The following MAD1L1 variants were observed in gnomAD, a reference collection of about 807,000 sequenced individuals.
MAD1L1 encodes the protein mitotic spindle assembly checkpoint protein MAD1.
Under a neutral mutation model 96.9 loss-of-function variants are expected in MAD1L1, and 95 were observed. The ratio of observed to expected loss-of-function variants is 0.98; its 90% CI spans 0.83 to 1.16. MAD1L1 has a LOEUF of 1.16. MAD1L1 is among the 50% of genes most tolerant of loss of function. The probability of loss-of-function intolerance (pLI) is 0.00; values close to 1 mark genes in which losing one functional copy is unlikely to be tolerated. For missense variants in MAD1L1, 1,007 were observed against 954.4 expected (o/e 1.06, Z -0.73); for synonymous variants, 473 against 396.6 (o/e 1.19, Z -2.29).
At chr7:2,118,118 C>T (rs1396637262) in intron 11 of MAD1L1, among the ~76,000 whole-genome samples, 1 of 152,210 alleles carries the variant, frequency 6.6e-6, no homozygotes, top group African/African-American at 2.4e-5. Context: ...CCACCCTGTG[C>T]ACCCGACACT....
chr7:2,032,891 C>T (rs796277470), intron 12 of MAD1L1, among the ~76,000 whole-genome samples: 4 of 152,308 alleles, frequency 2.6e-5, no homozygotes, highest in African/African-American at 9.6e-5. Flanking sequence ...GAAGGAAGAC[C>T]CACTCTGCAC....
chr7:2,101,406 G>C, intron 11 of MAD1L1, among the ~76,000 whole-genome samples: 1 of 1,362 alleles, frequency 7.3e-4, no homozygotes, highest in Non-Finnish European at 1.7e-3. Flanking sequence ...CATCCAGGTG[G>C]GTGGCATGAG....
intron 18 of MAD1L1, among the ~76,000 whole-genome samples, chr7:1,888,470 G>A (rs1220237626): frequency 6.6e-6 from 1 of 151,406 alleles, no homozygotes; most frequent in Non-Finnish European, 1.5e-5. Flanking sequence ...GTATGTGGCT[G>A]CCTGTTCATG....
At chr7:2,169,193 T>C (rs900292342) in intron 10 of MAD1L1, among the ~76,000 whole-genome samples, 1 of 152,128 alleles carries the variant, frequency 6.6e-6, no homozygotes, top group African/African-American at 2.4e-5. Flanking sequence ...CGGCTACACA[T>C]TCGCCTGCAG....
chr7:2,165,634 T>C (rs1272910674), intron 10 of MAD1L1, among the ~76,000 whole-genome samples: 2 of 92,766 alleles, frequency 2.2e-5, no homozygotes, highest in Admixed American at 2.2e-4. Flanking sequence ...TAAACCAAGG[T>C]GGTGTCCACG....
intron 11 of MAD1L1, among the ~76,000 whole-genome samples, chr7:2,084,502 G>A (rs1175269279): frequency 3.3e-5 from 5 of 152,244 alleles, no homozygotes; most frequent in Non-Finnish European, 7.3e-5. Flanking sequence ...TGCTCACGGA[G>A]GTCCCCAGGC....
chr7:2,125,683 C>G (rs1788200003), intron 11 of MAD1L1, among the ~76,000 whole-genome samples: 1 of 152,322 alleles, frequency 6.6e-6, no homozygotes, highest in Admixed American at 6.5e-5. Flanking sequence ...CACCCAGAGG[C>G]AGGCGCCCAG....
intron 18 of MAD1L1, among the ~76,000 whole-genome samples, chr7:1,891,092 G>A (rs1424856834): frequency 6.6e-6 from 1 of 152,186 alleles, no homozygotes; most frequent in Non-Finnish European, 1.5e-5. Flanking sequence ...GGAAAAAAGG[G>A]TGCACAGAAG....
intron 12 of MAD1L1, among the ~76,000 whole-genome samples, chr7:2,025,204 T>C (rs1782947256): frequency 6.6e-6 from 1 of 152,234 alleles, no homozygotes. Context: ...AAACAAACTT[T>C]ATTAATTAAA....
At chr7:1,892,358 C>G (rs550605123) in intron 18 of MAD1L1, among the ~76,000 whole-genome samples, 2 of 152,168 alleles carry the variant, frequency 1.3e-5, no homozygotes, top group African/African-American at 4.8e-5. Flanking sequence ...TCTGGCAAAG[C>G]GAGACCGTAC....
At chr7:2,065,548 G>A (rs1175088288) in intron 12 of MAD1L1, among the ~76,000 whole-genome samples, 3 of 152,222 alleles carry the variant, frequency 2.0e-5, no homozygotes, top group Admixed American at 6.5e-5. Flanking sequence ...CAGCTTCGGA[G>A]GAGGTGGCCG....
intron 17 of MAD1L1, among the ~76,000 whole-genome samples, chr7:1,918,382 T>G (rs1788553583): frequency 6.6e-6 from 1 of 152,126 alleles, no homozygotes; most frequent in Non-Finnish European, 1.5e-5. Context: ...GGATCCTCCC[T>G]CGGCTCCGTC....
intron 14 of MAD1L1, among the ~76,000 whole-genome samples, chr7:1,990,150 G>A (rs1781343654): frequency 6.6e-6 from 1 of 152,244 alleles, no homozygotes. Flanking sequence ...TGGCATCGCT[G>A]AGTCTCAGCT....
At chr7:2,125,089 G>T (rs1788168872) in intron 11 of MAD1L1, among the ~76,000 whole-genome samples, 1 of 152,202 alleles carries the variant, frequency 6.6e-6, no homozygotes, top group African/African-American at 2.4e-5. Context: ...ACCCCAGGAA[G>T]TCCCTGCTGT....
At chr7:1,992,652 C>T (rs1781402280) in intron 14 of MAD1L1, among the ~76,000 whole-genome samples, 1 of 152,212 alleles carries the variant, frequency 6.6e-6, no homozygotes, top group Non-Finnish European at 1.5e-5. Flanking sequence ...CCTGTGAAGC[C>T]TCTCACTGTG....
At chr7:2,047,859 G>A (rs1429466680) in intron 12 of MAD1L1, among the ~76,000 whole-genome samples, 1 of 152,156 alleles carries the variant, frequency 6.6e-6, no homozygotes, top group Non-Finnish European at 1.5e-5. Context: ...TCACACACGT[G>A]CACTCACGTG....
At chr7:2,013,065 C>T (rs1307578554) in intron 13 of MAD1L1, among the ~76,000 whole-genome samples, 1 of 152,246 alleles carries the variant, frequency 6.6e-6, no homozygotes, top group Non-Finnish European at 1.5e-5. Context: ...TATGTTTGTT[C>T]ATTAAATGTC....
At chr7:1,874,466 G>A (rs1037322538) in intron 18 of MAD1L1, 8 of 451,760 alleles carry the variant, frequency 1.8e-5, no homozygotes, top group African/African-American at 1.6e-4. Flanking sequence ...CTCTGGTGGA[G>A]GAGAGGAGGC....
intron 12 of MAD1L1, among the ~76,000 whole-genome samples, chr7:2,042,338 CACAG>C (rs1331198602): frequency 6.6e-6 from 1 of 152,174 alleles, no homozygotes; most frequent in African/African-American, 2.4e-5. Context: ...CGGACACACG[CACAG>C]ACACACACAT....
Sources: gnomAD v4.1 joint callset for allele counts (sites outside exome capture counted in the v4.1 genomes callset) on GRCh38, gnomAD v4.1.1 for gene constraint, MANE v1.5 for transcripts, NCBI Gene and HGNC (gene_info 2026-07-23, HGNC 2026-07-21) for gene names.